The following DLGAP1 variants were observed in gnomAD, a reference collection of about 807,000 sequenced individuals.
DLGAP1 encodes the protein DLG associated protein 1, also known as disks large-associated protein 1.
In DLGAP1, 11 loss-of-function variants were observed where a neutral mutation model predicts 90.8. The ratio of observed to expected loss-of-function variants is 0.12; its 90% confidence interval spans 0.08 to 0.20. The LOEUF (loss-of-function observed/expected upper bound fraction) is 0.20. Ranked by LOEUF, DLGAP1 falls within the 10% of genes least tolerant of loss-of-function variation. The probability of loss-of-function intolerance (pLI) is 1.00; values close to 1 mark genes in which losing one functional copy is unlikely to be tolerated. For synonymous variants in DLGAP1, 558 were observed against 540.7 expected, an observed-to-expected ratio of 1.03 and a Z score of -0.44; for missense variants, 1,050 against 1,333.8, an observed-to-expected ratio of 0.79 and a Z score of 3.31.
intron 5 of DLGAP1, among the ~76,000 whole-genome samples, chr18:3,797,250 C>T (rs758361294): frequency 3.3e-4 from 50 of 151,724 alleles, no homozygotes; most frequent in South Asian, 4.2e-4. Flanking sequence ...TGCTTTAACC[C>T]GGGAGGCAGA....
At chr18:4,162,165 G>T (rs1209346043) in intron 1 of DLGAP1, among the ~76,000 whole-genome samples, 1 of 152,152 alleles carries the variant, frequency 6.6e-6, no homozygotes, top group Non-Finnish European at 1.5e-5. Flanking sequence ...ATGGCAGAAT[G>T]GAACAAACTG....
intron 2 of DLGAP1, among the ~76,000 whole-genome samples, chr18:4,093,833 T>C (rs2075628160): frequency 6.6e-6 from 1 of 152,202 alleles, no homozygotes; most frequent in Non-Finnish European, 1.5e-5. Flanking sequence ...CTGTGGCTTC[T>C]GTGAAGCTAT....
chr18:3,630,162 G>C (rs186405267), intron 7 of DLGAP1, among the ~76,000 whole-genome samples: 74 of 152,282 alleles, frequency 4.9e-4, no homozygotes, highest in Middle Eastern at 3.4e-3. Flanking sequence ...ACTGAGTACA[G>C]CAGATTGCTC....
intron 4 of DLGAP1, among the ~76,000 whole-genome samples, chr18:3,860,098 C>CAAAAAAAAAAAA (rs1169488386): frequency 9.5e-6 from 1 of 104,916 alleles, no homozygotes; most frequent in African/African-American, 4.1e-5. Context: ...GACTCTGTCT[C>CAAAAAAAAAAAA]AAAAAATAAA....
chr18:4,136,905 G>T lies in DLGAP1; in HGVS notation c.-159+14275C>A, dbSNP rs554168408. Among the ~76,000 whole-genome samples, 209 of 152,028 alleles carry T rather than the reference G, an allele frequency of 1.4e-3. 1 individual carries two copies. The highest frequency in any genetic ancestry group is 4.4e-3 in the African/African-American group (182 of 41,496). ...TCAGTTTTTATTCAATTTTGATGTG[G>T]TTTTTTTATTATACTTTAAGTTTTA... On this transcript the variant is annotated intron_variant, in intron 2 of 12. Coordinates refer to ENST00000315677, the MANE Select transcript of DLGAP1 (RefSeq NM_004746.4).
intron 4 of DLGAP1, among the ~76,000 whole-genome samples, chr18:3,876,183 T>A (rs2070998910): frequency 6.6e-6 from 1 of 150,680 alleles, no homozygotes; most frequent in Admixed American, 6.6e-5. Flanking sequence ...GGGTGGCAGA[T>A]CCTCTTTTCA....
At chr18:4,220,529 G>A (rs1186756818) in intron 1 of DLGAP1, among the ~76,000 whole-genome samples, 1 of 152,032 alleles carries the variant, frequency 6.6e-6, no homozygotes, top group African/African-American at 2.4e-5. Flanking sequence ...CCCTCAGGAC[G>A]GATAAGCAAT....
chr18:3,828,971 G>A lies in DLGAP1; in HGVS notation c.958-14698C>T, dbSNP rs11663617. On this transcript the variant is annotated intron_variant, in intron 4 of 12. Transcript: ENST00000315677. ...ATGGTAAAGTCCTCAATAAATGTTA[G>A]CTAATGTTTAAATCCTTCTCTATAG... Among the ~76,000 whole-genome samples the A allele has an allele frequency of 3.9e-3, 601 of 152,294 alleles. 4 individuals carry two copies. Among genetic ancestry groups the A allele is most frequent in the Middle Eastern group, 6.8e-3 (2 of 294 alleles).
At position 3,499,246 on chromosome 18, in the gene DLGAP1, G is replaced by A. The variant is rs754176342; in HGVS notation, c.2873C>T (p.Ser958Leu). The change falls in exon 13 of 13, where the codon TCG (serine) becomes TTG (leucine). Residue 958 changes from serine to leucine, a missense_variant. Ser to Leu is a moderately radical substitution (Grantham distance 145). This residue lies in a region of DLGAP1 where 565 missense variants were observed against 879.7 expected (regional missense o/e 0.64). Transcript: ENST00000315677. The surrounding 1 kb of genome is among the most constrained non-coding windows in gnomAD (Gnocchi z 6.4). Reference sequence around the variant, plus strand: ...GATGCTCTCGGCGCTCTCGGTGGCCGAGTTCTGGCGGACGGACGCGGCGCG... The same window carrying A: ...GATGCTCTCGGCGCTCTCGGTGGCCAAGTTCTGGCGGACGGACGCGGCGCG... ...AKRAASVRQNSATESAESIEI... is the reference protein window; with the variant it reads ...AKRAASVRQNLATESAESIEI... The A allele has an allele frequency of 1.2e-6, 2 of 1,602,916 alleles. No homozygotes were observed. Among genetic ancestry groups the A allele is most frequent in the Non-Finnish European group, 8.5e-7 (1 of 1,176,172 alleles).
rs565548974 is a variant in DLGAP1 at position 4,342,443 on chromosome 18, A to G, written c.-267+112563T>C. ...TGCACTACTAAGACTAAATGGTTTT[A>G]AAACTCTGCTTTCTTTTAAATAAGA... On this transcript the variant is annotated intron_variant, in intron 1 of 12. Coordinates refer to ENST00000315677, the MANE Select transcript of DLGAP1 (RefSeq NM_004746.4). This position sits in a 1 kb window ranked among gnomAD's most constrained non-coding sequence, Gnocchi z 5.8. Among the ~76,000 whole-genome samples, 1 of 152,350 alleles carries G rather than the reference A, an allele frequency of 6.6e-6. No homozygotes were observed. The highest frequency in any genetic ancestry group is 1.9e-4 in the East Asian group (1 of 5,184).
intron 3 of DLGAP1, among the ~76,000 whole-genome samples, chr18:3,946,796 G>T (rs1394150703): frequency 6.6e-6 from 1 of 152,130 alleles, no homozygotes; most frequent in African/African-American, 2.4e-5. Flanking sequence ...TACCAAAAAT[G>T]ATCTGAGTCA....
At chr18:3,876,375 T>C (rs1191153451) in intron 4 of DLGAP1, among the ~76,000 whole-genome samples, 1 of 152,114 alleles carries the variant, frequency 6.6e-6, no homozygotes, top group East Asian at 1.9e-4. Flanking sequence ...ACATACTACC[T>C]CCCAACATTG....
intron 1 of DLGAP1, among the ~76,000 whole-genome samples, chr18:4,175,809 G>A (rs545515430): frequency 2.1e-4 from 32 of 151,878 alleles, no homozygotes; most frequent in African/African-American, 2.9e-4. Context: ...AAACAGTACC[G>A]TGCTGTTTTG....
At chr18:3,790,262 ACTTTTTTTTT>A (rs1239410507) in intron 5 of DLGAP1, among the ~76,000 whole-genome samples, 1 of 133,216 alleles carries the variant, frequency 7.5e-6, no homozygotes, top group Admixed American at 8.3e-5. Flanking sequence ...TGCTTCTTTT[ACTTTTTTTTT>A]CTTTTTTTTT....
chr18:3,567,450 A>G (rs1191754935), intron 9 of DLGAP1, 40 bp downstream of exon 9: 1 of 1,539,348 alleles, frequency 6.5e-7, no homozygotes, highest in Non-Finnish European at 8.9e-7. Flanking sequence ...CCTTACTTCA[A>G]AACATCAAGA....
intron 5 of DLGAP1, among the ~76,000 whole-genome samples, chr18:3,765,562 G>A (rs1031440165): frequency 2.6e-5 from 4 of 151,914 alleles, no homozygotes; most frequent in Non-Finnish European, 5.9e-5. Context: ...ACTCGGGCAC[G>A]GTGGCTCACG....
chr18:4,121,389 C>T (rs1054090290), intron 2 of DLGAP1, among the ~76,000 whole-genome samples: 2 of 152,114 alleles, frequency 1.3e-5, no homozygotes, highest in African/African-American at 4.8e-5. Flanking sequence ...TTCTCCTAGG[C>T]CCATCCAGGC....
At chr18:4,277,844 T>G (rs1382304402) in intron 1 of DLGAP1, among the ~76,000 whole-genome samples, 1 of 152,172 alleles carries the variant, frequency 6.6e-6, no homozygotes, top group East Asian at 1.9e-4. Context: ...TAATATTGCA[T>G]TAAATTTTAT....
intron 7 of DLGAP1, among the ~76,000 whole-genome samples, chr18:3,718,825 C>T (rs2061855368): frequency 6.7e-6 from 1 of 150,118 alleles, no homozygotes; most frequent in Non-Finnish European, 1.5e-5. Context: ...ACTCAGGAGG[C>T]TGAGGCAGGA....
Sources: gnomAD v4.1 joint callset for allele counts (sites outside exome capture counted in the v4.1 genomes callset) on GRCh38, gnomAD v4.1.1 for gene constraint, gnomAD v4.1.1 regional missense constraint, Gnocchi (gnomAD v3.1) non-coding constraint, MANE v1.5 for transcripts, NCBI Gene and HGNC (gene_info 2026-07-23, HGNC 2026-07-21) for gene names.